Variants in FZR1 observed in about 807,000 individuals in gnomAD.
The protein encoded by FZR1 is fizzy and cell division cycle 20 related 1, also known as fizzy-related protein homolog.
A neutral mutation model predicts 63.6 loss-of-function variants in FZR1; 11 were observed. That is an observed-to-expected ratio of 0.17 (90% CI 0.11 to 0.29). The LOEUF is 0.29. FZR1 is among the 10% of genes least tolerant of loss of function. The probability of loss-of-function intolerance (pLI) is 1.00; values close to 1 mark genes in which losing one functional copy is unlikely to be tolerated. For synonymous variants in FZR1, 328 were observed against 297.9 expected (o/e 1.10, Z -1.04); for missense variants, 440 against 687.5 (o/e 0.64, Z 4.03).
rs548735041 is a variant in FZR1, at chr19:3,535,698, C to G, written c.*862C>G. The G allele has an allele frequency of 2.0e-5, 3 of 152,376 alleles. No individual in the cohort carries two copies. Among genetic ancestry groups the G allele is most frequent in the Admixed American group, 1.3e-4 (2 of 15,292 alleles). The allele number at this position is 152,376 out of a possible 1,614,324, so 9.4% of individuals were successfully genotyped here. A position where few individuals can be genotyped will look rare whatever the true frequency, so the allele number is the denominator to read the frequency against. ...CACGTGCCCTCACAGGGCCAGCGTC[C>G]TCCTTCCCTGCGCAAGACTTGCGTC... On this transcript the variant is annotated 3_prime_UTR_variant, in exon 14 of 14. Transcript: ENST00000441788.
chr19:3,533,662 A>C lies in FZR1; in HGVS notation c.1347+264A>C. 4.5e-6 allele frequency: 2 copies of C among 446,052 alleles called. No homozygotes were observed. Among genetic ancestry groups the C allele is most frequent in the Middle Eastern group, 6.3e-4 (1 of 1,592 alleles). The allele number at this position is 446,052 out of a possible 1,614,324, so 27.6% of individuals were successfully genotyped here. A position where few individuals can be genotyped will look rare whatever the true frequency, so the allele number is the denominator to read the frequency against. ...GCTTCTTCATTTGTTTATTTTCCCC[A>C]TAAAGAGGGGTGAAGAGGAAAGCCA... is the stretch of plus-strand genomic sequence containing the variant. On this transcript the variant is annotated intron_variant, in intron 12 of 13. Transcript: ENST00000441788. This position sits in a 1 kb window ranked among gnomAD's most constrained non-coding sequence, Gnocchi z 4.9.
chr19:3,510,613 G>A (rs1229057000), intron 1 of FZR1, among the ~76,000 whole-genome samples: 2 of 152,254 alleles, frequency 1.3e-5, no homozygotes, highest in African/African-American at 4.8e-5. Flanking sequence ...TGGGAGCAGA[G>A]AGAGGGTGGG....
chr19:3,515,403 C>T lies in FZR1; in HGVS notation c.-34-7553C>T, dbSNP rs2083051692. 6.6e-6 allele frequency among the ~76,000 whole-genome samples: 1 copy of T among 152,074 alleles called. No individual in the cohort carries two copies. Among genetic ancestry groups the T allele is most frequent in the African/African-American group, 2.4e-5 (1 of 41,370 alleles). On this transcript the variant is annotated intron_variant, in intron 1 of 13. Coordinates refer to ENST00000441788, the MANE Select transcript of FZR1 (RefSeq NM_016263.4). The surrounding 1 kb of genome is among the most constrained non-coding windows in gnomAD (Gnocchi z 4.6). ...GAATGCGGTGGTGCCCGGTCTCATC[C>T]GGAGCCTGCCTGGCCCATCTCTGAC...
chr19:3,527,129 C>T, intron 6 of FZR1, 67 bp downstream of exon 6: 1 of 1,262,040 alleles, frequency 7.9e-7, no homozygotes, highest in Non-Finnish European at 1.2e-6. Flanking sequence ...GAGGTGGGTC[C>T]CAGCTTCCTC....
At chr19:3,529,165 G>GA (rs2083201002) in intron 7 of FZR1, among the ~76,000 whole-genome samples, 1 of 136,600 alleles carries the variant, frequency 7.3e-6, no homozygotes, top group Non-Finnish European at 1.6e-5. Flanking sequence ...TGGGAGAGCG[G>GA]TTGGGAGAGC....
chr19:3,531,876 G>A (rs1428377880), intron 9 of FZR1, 35 bp from the exon 10 acceptor site: 4 of 1,569,614 alleles, frequency 2.5e-6, no homozygotes, highest in Non-Finnish European at 3.5e-6. Context: ...CGCGAGGGCA[G>A]GAGAGGCTCA....
At position 3,525,729 on chromosome 19, in the gene FZR1, A is replaced by C; in HGVS notation, c.70-139A>C. 2.9e-6 allele frequency: 3 copies of C among 1,018,260 alleles called. No individual in the cohort carries two copies. The highest frequency in any genetic ancestry group is 3.1e-5 in the South Asian group (2 of 65,142). The allele number at this position is 1,018,260 out of a possible 1,614,324, so 63.1% of individuals were successfully genotyped here. ...AGTGCTGGGATTACGGGCGTGAGCC[A>C]CCGCGCCTGGCCCACCCCTTGGGTT... On this transcript the variant is annotated intron_variant, in intron 2 of 13. Coordinates refer to ENST00000441788, the MANE Select transcript of FZR1 (RefSeq NM_016263.4). This position sits in a 1 kb window ranked among gnomAD's most constrained non-coding sequence, Gnocchi z 4.2.
chr19:3,525,768 C>A lies in FZR1; in HGVS notation c.70-100C>A. The A allele has an allele frequency of 2.1e-6, 3 of 1,411,484 alleles. No homozygotes were observed. The highest frequency in any genetic ancestry group is 2.9e-6 in the Non-Finnish European group (3 of 1,039,510). The allele number at this position is 1,411,484 out of a possible 1,614,324, so 87.4% of individuals were successfully genotyped here. A position where few individuals can be genotyped will look rare whatever the true frequency, so the allele number is the denominator to read the frequency against. On this transcript the variant is annotated intron_variant, in intron 2 of 13. Transcript: ENST00000441788. The surrounding 1 kb of genome is among the most constrained non-coding windows in gnomAD (Gnocchi z 4.2). ...ACCCCTTGGGTTTTCAAGATCAAAG[C>A]CCCCTTTGCTCAGTGGCCAGAGGCT...
chr19:3,532,273 C>T lies in FZR1; in HGVS notation c.1009-144C>T, dbSNP rs201054840. 625 of 830,372 alleles carry T rather than the reference C, an allele frequency of 7.5e-4. 5 individuals carry two copies. In the East Asian group the frequency reaches 0.011, roughly 15 times the overall value. The allele number at this position is 830,372 out of a possible 1,614,324, so 51.4% of individuals were successfully genotyped here. On this transcript the variant is annotated intron_variant, in intron 10 of 13. Transcript: ENST00000441788. ...AGTCCTGCCCTGTGGCACAGGGTGA[C>T]GAGTGTGTGCCCCCAGGGGTCCTTG...
chr19:3,520,448 C>T (rs1024161012), intron 1 of FZR1, among the ~76,000 whole-genome samples: 3 of 152,224 alleles, frequency 2.0e-5, no homozygotes, highest in Non-Finnish European at 4.4e-5. Flanking sequence ...TCTATGTGGT[C>T]GTGGGCATTG....
rs755842566 is a variant in FZR1, at chr19:3,527,082, G to A, written c.470+20G>A. On this transcript the variant is annotated intron_variant, in intron 6 of 13. Transcript: ENST00000441788. ...CAAGAGGTGGGTCCCAGCTTCCTCC[G>A]CAGCCCTCCCTACTCCCTGTCTCCC... The A allele has an allele frequency of 7.8e-6, 12 of 1,542,160 alleles. No individual in the cohort carries two copies. Among genetic ancestry groups the A allele is most frequent in the South Asian group, 2.2e-5 (2 of 89,042 alleles).
At chr19:3,506,807 A>T (rs1354627695) in intron 1 of FZR1, among the ~76,000 whole-genome samples, 2 of 151,764 alleles carry the variant, frequency 1.3e-5, no homozygotes, top group African/African-American at 2.4e-5. Context: ...TGAGCCCTGC[A>T]CCCCCAACCA....
At position 3,514,290 on chromosome 19, in the gene FZR1, G is replaced by A. The variant is rs773360774; in HGVS notation, c.-35+7816G>A. 6.6e-6 allele frequency among the ~76,000 whole-genome samples: 1 copy of A among 152,176 alleles called. No homozygotes were observed. Among genetic ancestry groups the A allele is most frequent in the Non-Finnish European group, 1.5e-5 (1 of 68,022 alleles). ...AGTGGGGATGGGGCTGGGGATGCCT[G>A]GCCACACTCTGCAGGTCTCGCTCAT... On this transcript the variant is annotated intron_variant, in intron 1 of 13. Transcript: ENST00000441788. The surrounding 1 kb of genome is among the most constrained non-coding windows in gnomAD (Gnocchi z 4.2).
chr19:3,534,228 A>C lies in FZR1; in HGVS notation c.1348-193A>C, dbSNP rs1295188086. Reference sequence around the variant, plus strand: ...CAGAGCCAGACCCCGTCTTAAAATTAAAAAAAAAAAAAAAAAAAAGGCTCC... The same window carrying C: ...CAGAGCCAGACCCCGTCTTAAAATTCAAAAAAAAAAAAAAAAAAAGGCTCC... On this transcript the variant is annotated intron_variant, in intron 12 of 13. Coordinates refer to ENST00000441788, the MANE Select transcript of FZR1 (RefSeq NM_016263.4). 14 of 39,008 alleles carry C rather than the reference A, an allele frequency of 3.6e-4. No homozygotes were observed. In the East Asian group the frequency reaches 0.074, roughly 207 times the overall value. The allele number at this position is 39,008 out of a possible 1,614,324, so 2.4% of individuals were successfully genotyped here.
At position 3,514,470 on chromosome 19, in the gene FZR1, C is replaced by T. The variant is rs1042544720; in HGVS notation, c.-35+7996C>T. 2.0e-5 allele frequency among the ~76,000 whole-genome samples: 3 copies of T among 152,154 alleles called. No individual in the cohort carries two copies. The highest frequency in any genetic ancestry group is 7.2e-5 in the African/African-American group (3 of 41,432). ...CTCCACCCACTCCACGCCAGGGGCACCCCCAGTCATGACAACCACAGATGT... is the reference window on the plus strand; with the variant it reads ...CTCCACCCACTCCACGCCAGGGGCATCCCCAGTCATGACAACCACAGATGT... On this transcript the variant is annotated intron_variant, in intron 1 of 13. Coordinates refer to ENST00000441788, the MANE Select transcript of FZR1 (RefSeq NM_016263.4). The surrounding 1 kb of genome is among the most constrained non-coding windows in gnomAD (Gnocchi z 4.2).
Position 3,526,017 on chromosome 19 carries a change from A to T in FZR1, c.195+24A>T. On this transcript the variant is annotated intron_variant, in intron 3 of 13. Transcript: ENST00000441788. This position sits in a 1 kb window ranked among gnomAD's most constrained non-coding sequence, Gnocchi z 5.4. ...ACGTGAGGGGCTGGCTGGGCAGGAG[A>T]TGGGACCCCCCGGGAAGCCCAGGGC... The T allele has an allele frequency of 6.2e-7, 1 of 1,611,332 alleles. No homozygotes were observed. The highest frequency in any genetic ancestry group is 1.1e-5 in the South Asian group (1 of 91,026).
intron 1 of FZR1, among the ~76,000 whole-genome samples, chr19:3,522,003 C>T (rs537934257): frequency 2.5e-4 from 38 of 152,208 alleles, no homozygotes; most frequent in African/African-American, 5.8e-4. Context: ...ACCACAGGTG[C>T]GCGCCACCAC....
chr19:3,521,843 A>G (rs2083104692), intron 1 of FZR1, among the ~76,000 whole-genome samples: 1 of 150,128 alleles, frequency 6.7e-6, no homozygotes, highest in Admixed American at 6.6e-5. Flanking sequence ...AACTTTAGGT[A>G]AATTTTTTCA....
chr19:3,520,424 A>T (rs1052406921), intron 1 of FZR1, among the ~76,000 whole-genome samples: 1 of 152,200 alleles, frequency 6.6e-6, no homozygotes, highest in Non-Finnish European at 1.5e-5. Context: ...AGCCATGTAG[A>T]GAACCCTGGG....
Sources: allele counts gnomAD v4.1 joint callset (sites outside exome capture counted in the v4.1 genomes callset), GRCh38; gene constraint gnomAD v4.1.1; non-coding constraint Gnocchi (gnomAD v3.1); transcripts MANE v1.5; gene names NCBI Gene and HGNC (gene_info 2026-07-23, HGNC 2026-07-21).